The following MEIS1 variants were observed in gnomAD, a reference collection of about 807,000 sequenced individuals.
The protein encoded by MEIS1 is Meis homeobox 1, also known as homeobox protein Meis1.
A neutral mutation model predicts 50.8 loss-of-function variants in MEIS1; 5 were observed. The observed-to-expected ratio is 0.10, with a 90% CI of 0.05 to 0.21. MEIS1 has a LOEUF of 0.21. Ranked by LOEUF, MEIS1 falls within the 10% of genes least tolerant of loss-of-function variation. The pLI is 1.00. For missense variants in MEIS1, 318 were observed against 517.3 expected (o/e 0.61, Z 3.74); for synonymous variants, 176 against 179.3 (o/e 0.98, Z 0.15).
At chr2:66,498,135 T>G (rs536216350) in intron 7 of MEIS1, among the ~76,000 whole-genome samples, 6 of 152,274 alleles carry the variant, frequency 3.9e-5, no homozygotes, top group South Asian at 2.1e-4. Flanking sequence ...TTTGGAGCTT[T>G]GAGTGGGGGA....
chr2:66,440,721 G>T (rs749795088), intron 4 of MEIS1, 109 bp downstream of exon 4: 12 of 678,148 alleles, frequency 1.8e-5, no homozygotes, highest in Non-Finnish European at 2.5e-5. Flanking sequence ...CGGTCTTCCC[G>T]TGCCTGCAGG....
At chr2:66,452,716 T>TA (rs1672303476) in intron 6 of MEIS1, among the ~76,000 whole-genome samples, 1 of 151,978 alleles carries the variant, frequency 6.6e-6, no homozygotes, top group Non-Finnish European at 1.5e-5. Context: ...TCCCTGTCCT[T>TA]AATGTGTTCC....
intron 9 of MEIS1, among the ~76,000 whole-genome samples, chr2:66,557,118 C>T (rs1675086850): frequency 6.6e-6 from 1 of 151,908 alleles, no homozygotes; most frequent in South Asian, 2.1e-4. Context: ...TTTTAGAAAC[C>T]CTATGCTACA....
intron 7 of MEIS1, among the ~76,000 whole-genome samples, chr2:66,497,333 A>G (rs1375987768): frequency 1.3e-5 from 2 of 152,184 alleles, no homozygotes; most frequent in Admixed American, 6.5e-5. Flanking sequence ...GGACATTCAA[A>G]GGATTAAATG....
Position 66,439,987 on chromosome 2 carries a change from C to A in MEIS1, c.381+3C>A. 1 of 1,607,346 alleles carries A rather than the reference C, an allele frequency of 6.2e-7. No individual in the cohort carries two copies. Among genetic ancestry groups the A allele is most frequent in the South Asian group, 1.1e-5 (1 of 90,004 alleles). ...ATATAGCCGTGTTCGCCAAACAGGT[C>A]AGCAAAATAGATGTTAAAAAGTAAA... On this transcript the variant is annotated splice_donor_region_variant and intron_variant, in intron 3 of 12. Transcript: ENST00000272369.
intron 3 of MEIS1, 87 bp downstream of exon 3, chr2:66,440,071 A>G (rs1417173525): frequency 9.9e-7 from 1 of 1,013,918 alleles, no homozygotes; most frequent in Non-Finnish European, 1.4e-6. Context: ...GCGCGCGAAC[A>G]CACACACACA....
chr2:66,528,379 A>T (rs1674308830), intron 8 of MEIS1, among the ~76,000 whole-genome samples: 1 of 152,128 alleles, frequency 6.6e-6, no homozygotes, highest in Non-Finnish European at 1.5e-5. Flanking sequence ...TAATAAAAGC[A>T]AGGAAGGTAC....
At position 66,569,119 on chromosome 2, in the gene MEIS1, G is replaced by A. The variant is rs1455238400; in HGVS notation, c.*11G>A. ...TGGCACTACATGTAACCTTCATCTAGTTAACCAATCGCAAAGCAAGGGGGA... is the reference window on the plus strand; with the variant it reads ...TGGCACTACATGTAACCTTCATCTAATTAACCAATCGCAAAGCAAGGGGGA... On this transcript the variant is annotated 3_prime_UTR_variant, in exon 12 of 13. Coordinates refer to ENST00000272369, the MANE Select transcript of MEIS1 (RefSeq NM_002398.3). 3 of 1,612,614 alleles carry A rather than the reference G, an allele frequency of 1.9e-6. No individual in the cohort carries two copies. The highest frequency in any genetic ancestry group is 1.7e-5 in the Admixed American group (1 of 59,798).
At chr2:66,439,344 T>C (rs1332533165) in intron 2 of MEIS1, 4 of 1,202,876 alleles carry the variant, frequency 3.3e-6, no homozygotes, top group Non-Finnish European at 4.1e-6. Context: ...CCCACGGCCA[T>C]GGACGTCCTT....
At chr2:66,555,046 T>C (rs1675020364) in intron 9 of MEIS1, among the ~76,000 whole-genome samples, 1 of 152,148 alleles carries the variant, frequency 6.6e-6, no homozygotes, top group African/African-American at 2.4e-5. Flanking sequence ...GCAAAATTTG[T>C]TTTTTCCTCA....
intron 7 of MEIS1, among the ~76,000 whole-genome samples, chr2:66,486,699 A>G (rs1314907049): frequency 1.3e-5 from 2 of 152,224 alleles, no homozygotes; most frequent in African/African-American, 2.4e-5. Context: ...CAGTATGGCC[A>G]TATTCACGAT....
At chr2:66,484,112 G>A (rs975417283) in intron 7 of MEIS1, among the ~76,000 whole-genome samples, 1 of 152,098 alleles carries the variant, frequency 6.6e-6, no homozygotes, top group African/African-American at 2.4e-5. Context: ...GGTAAAATAA[G>A]GTTTAAAATA....
intron 9 of MEIS1, among the ~76,000 whole-genome samples, chr2:66,558,566 T>G (rs759473489): frequency 1.4e-4 from 21 of 152,168 alleles, no homozygotes; most frequent in Non-Finnish European, 2.6e-4. Context: ...GTTTCAAGCT[T>G]TACTCATTAA....
rs1034467387 is a variant in MEIS1 at position 66,504,532 on chromosome 2, G to A, written c.743-7617G>A. Among the ~76,000 whole-genome samples the A allele has an allele frequency of 1.3e-4, 20 of 152,072 alleles. 1 individual carries two copies. Among genetic ancestry groups the A allele is most frequent in the African/African-American group, 4.1e-4 (17 of 41,474 alleles). On this transcript the variant is annotated intron_variant, in intron 7 of 12. Coordinates refer to ENST00000272369, the MANE Select transcript of MEIS1 (RefSeq NM_002398.3). ...ATTATAGTTAATAGCCACTGTGCCC[G>A]GCCTATTAACAATTTCTTGTCACCA...
intron 7 of MEIS1, among the ~76,000 whole-genome samples, chr2:66,473,397 A>AAAAAAAAATATATATATATATATATAT: frequency 5.6e-5 from 6 of 107,572 alleles, no homozygotes; most frequent in African/African-American, 2.9e-4. Flanking sequence ...AAAAAAAAAA[A>AAAAAAAAATATATATATATATATATAT]ATATATATAT....
At chr2:66,461,294 G>A (rs1672513015) in intron 6 of MEIS1, among the ~76,000 whole-genome samples, 1 of 152,122 alleles carries the variant, frequency 6.6e-6, no homozygotes, top group Admixed American at 6.5e-5. Context: ...TCTGTCCATG[G>A]ATTTGGGGGG....
In MEIS1 at chr2:66,464,129, T is replaced by C; in HGVS notation, c.651T>C (p.His217=). The change falls in exon 7 of 13, where the codon CAT becomes CAC. Residue 217 remains histidine (H), a synonymous_variant. Coordinates refer to ENST00000272369, the MANE Select transcript of MEIS1 (RefSeq NM_002398.3). ...LTDQPSWNRD[H]DDTASTRSGG... ...CACAGCCCTCTTGGAACAGAGATCA[T>C]GATGACACGGCATCTACTCGTTCAG... The C allele has an allele frequency of 6.2e-7, 1 of 1,601,982 alleles. No individual in the cohort carries two copies. Among genetic ancestry groups the C allele is most frequent in the Non-Finnish European group, 8.5e-7 (1 of 1,174,336 alleles).
At chr2:66,559,064 C>A (rs1156783144) in intron 9 of MEIS1, among the ~76,000 whole-genome samples, 1 of 151,836 alleles carries the variant, frequency 6.6e-6, no homozygotes, top group Non-Finnish European at 1.5e-5. Context: ...ATCACTTGAA[C>A]CCAGGAGGCA....
At chr2:66,467,426 A>G in intron 7 of MEIS1, among the ~76,000 whole-genome samples, 1 of 151,998 alleles carries the variant, frequency 6.6e-6, no homozygotes, top group South Asian at 2.1e-4. Flanking sequence ...GTGAAATCCC[A>G]TCTCTACTAA....
Sources: allele counts gnomAD v4.1 joint callset (sites outside exome capture counted in the v4.1 genomes callset), GRCh38; gene constraint gnomAD v4.1.1; transcripts MANE v1.5; gene names NCBI Gene and HGNC (gene_info 2026-07-23, HGNC 2026-07-21).